ANXA4: variants seen among roughly 807,000 people sequenced by gnomAD.
ANXA4 encodes the protein 35-beta calcimedin.
In ANXA4, 39 loss-of-function variants were observed where a neutral mutation model predicts 49.8. The observed-to-expected ratio is 0.78, with a 90% confidence interval of 0.61 to 1.02. ANXA4 has a LOEUF of 1.02. ANXA4 is among the 50% of genes least tolerant of loss of function. The pLI is 0.00. For missense variants in ANXA4, 360 were observed against 410.1 expected (o/e 0.88, Z 1.05); for synonymous variants, 134 against 152.5 (o/e 0.88, Z 0.89).
Position 69,679,072 on chromosome 2 carries a change from T to C in ANXA4, n.766+25790T>C, listed in dbSNP as rs1004568718. Among the ~76,000 whole-genome samples, 5 of 152,290 alleles carry C rather than the reference T, an allele frequency of 3.3e-5. No individual in the cohort carries two copies. The South Asian group carries it at 1.0e-3, about 32-fold the overall frequency. On this transcript the variant is annotated intron_variant and non_coding_transcript_variant, in intron 2 of 3. Coordinates refer to the ANXA4 transcript ENST00000418066. ...TTGTTTTTATTGTTTTGGTTTTTTA[T>C]TGATACACATTACATATTTATTAAG...
At chr2:69,741,519 C>T (rs1670395786), upstream of ANXA4, among the ~76,000 whole-genome samples, 1 of 152,174 alleles carries the variant, frequency 6.6e-6, no homozygotes, top group South Asian at 2.1e-4. Flanking sequence ...CTGCTGGGCG[C>T]ACAGGGAAGA....
chr2:69,668,573 T>G (rs1677030961), intron 2 of ANXA4, among the ~76,000 whole-genome samples: 1 of 152,204 alleles, frequency 6.6e-6, no homozygotes, highest in Non-Finnish European at 1.5e-5. Flanking sequence ...TATATCTTTC[T>G]CATTATATAT....
At chr2:69,744,641 A>G (rs1248262430) in intron 1 of ANXA4, among the ~76,000 whole-genome samples, 1 of 152,180 alleles carries the variant, frequency 6.6e-6, no homozygotes, top group Non-Finnish European at 1.5e-5. Flanking sequence ...TGTCTTATCT[A>G]ATCTTCACTT....
chr2:69,757,256 ATATATATATATTTTTTT>A lies in ANXA4; in HGVS notation c.-47+15083_-47+15099del, dbSNP rs1437357400. 8.6e-4 allele frequency among the ~76,000 whole-genome samples: 43 copies of A among 50,034 alleles called. 1 individual carries two copies. Among genetic ancestry groups the A allele is most frequent in the African/African-American group, 6.0e-3 (41 of 6,850 alleles). The allele number at this position is 50,034 out of a possible 152,430, so 32.8% of individuals were successfully genotyped here. A position where few individuals can be genotyped will look rare whatever the true frequency, so the allele number is the denominator to read the frequency against. On this transcript the variant is annotated intron_variant, in intron 1 of 12. Transcript: ENST00000394295. ...TTTTGTTTTATATATATATATATAT[ATATATATATATTTTTTT>A]TTTTTTTTTTTTTTTTAGGTGGAGT...
At chr2:69,776,816 C>T (rs1671977895) in intron 1 of ANXA4, among the ~76,000 whole-genome samples, 1 of 152,196 alleles carries the variant, frequency 6.6e-6, no homozygotes, top group South Asian at 2.1e-4. Flanking sequence ...AGATTCAAAG[C>T]TGTCCTGGGC....
intron 2 of ANXA4, among the ~76,000 whole-genome samples, chr2:69,717,562 A>G (rs1362793487): frequency 6.6e-6 from 1 of 152,206 alleles, no homozygotes; most frequent in East Asian, 1.9e-4. Context: ...GAAAGGCCTG[A>G]TGTCCCATCC....
At chr2:69,700,001 G>C (rs1487915665) in intron 2 of ANXA4, among the ~76,000 whole-genome samples, 1 of 152,194 alleles carries the variant, frequency 6.6e-6, no homozygotes, top group African/African-American at 2.4e-5. Flanking sequence ...AGTCAGGAAA[G>C]TGAGCACCCA....
chr2:69,749,022 C>T (rs1034538803), intron 1 of ANXA4, among the ~76,000 whole-genome samples: 2 of 152,054 alleles, frequency 1.3e-5, no homozygotes, highest in Non-Finnish European at 2.9e-5. Context: ...CTACACCCTA[C>T]TTTTTAGAGG....
At chr2:69,812,566 A>T (rs1186900563) in intron 7 of ANXA4, 87 bp from the exon 8 acceptor site, 8 of 1,157,038 alleles carry the variant, frequency 6.9e-6, no homozygotes, top group African/African-American at 3.1e-5. Flanking sequence ...ATTTTGTCTC[A>T]TTACTCTAGA....
At chr2:69,808,948 C>CACT (rs1158784282) in intron 6 of ANXA4, 1 of 151,968 alleles carries the variant, frequency 6.6e-6, no homozygotes, top group African/African-American at 2.4e-5. Context: ...AGATGTGAGC[C>CACT]ACTACACCTG....
At chr2:69,766,817 G>T (rs1250134555) in intron 1 of ANXA4, among the ~76,000 whole-genome samples, 1 of 152,120 alleles carries the variant, frequency 6.6e-6, no homozygotes, top group Non-Finnish European at 1.5e-5. Context: ...CCCATCACTC[G>T]CCTGTAGATA....
upstream of ANXA4, among the ~76,000 whole-genome samples, chr2:69,740,773 C>T (rs1670370098): frequency 6.7e-6 from 1 of 148,996 alleles, no homozygotes; most frequent in African/African-American, 2.5e-5. Flanking sequence ...CCTCTGCCTC[C>T]CGGGCTTGGG....
chr2:69,731,483 G>A (rs777111831), intron 3 of ANXA4, among the ~76,000 whole-genome samples: 3 of 152,146 alleles, frequency 2.0e-5, no homozygotes, highest in Non-Finnish European at 4.4e-5. Context: ...CTTAACTGCA[G>A]TCACTTCAGC....
At chr2:69,722,464 G>A (rs11679984) in intron 3 of ANXA4, among the ~76,000 whole-genome samples, 4 of 152,108 alleles carry the variant, frequency 2.6e-5, no homozygotes, top group Non-Finnish European at 4.4e-5. Context: ...TGACACATGC[G>A]GCAACATGGA....
intron 1 of ANXA4, among the ~76,000 whole-genome samples, chr2:69,779,757 A>G (rs1242622040): frequency 6.6e-6 from 1 of 152,184 alleles, no homozygotes; most frequent in African/African-American, 2.4e-5. Context: ...GGCCCATACC[A>G]TTCAGTTCAC....
intron 3 of ANXA4, among the ~76,000 whole-genome samples, chr2:69,729,747 G>A (rs536305643): frequency 1.4e-4 from 21 of 151,042 alleles, no homozygotes; most frequent in Admixed American, 5.2e-4. Flanking sequence ...GTGATTTACA[G>A]TGACATTTTC....
chr2:69,667,277 CA>C (rs1676972853), intron 2 of ANXA4, among the ~76,000 whole-genome samples: 1 of 151,680 alleles, frequency 6.6e-6, no homozygotes, highest in South Asian at 2.1e-4. Context: ...TGTGAATATA[CA>C]AAAAACTATT....
At chr2:69,661,459 G>T (rs892537764) in intron 2 of ANXA4, among the ~76,000 whole-genome samples, 1 of 151,466 alleles carries the variant, frequency 6.6e-6, no homozygotes, top group South Asian at 2.1e-4. Flanking sequence ...CCCTGTGCAA[G>T]ATGATGAGAC....
rs1383872392 is a variant in ANXA4, at chr2:69,810,615, A to T, written c.419A>T (p.Asp140Val). 1 of 1,614,112 alleles carries T rather than the reference A, an allele frequency of 6.2e-7. No individual in the cohort carries two copies. The highest frequency in any genetic ancestry group is 2.2e-5 in the East Asian group (1 of 44,876). Residue 140 changes from aspartate (D) to valine (V), a missense_variant, in exon 7 of 13, where the codon GAT becomes GTT. Coordinates refer to ENST00000394295, the MANE Select transcript of ANXA4 (RefSeq NM_001153.5). ...CTAGAATATGGACGGAGCCTTGAAG[A>T]TGACATTCGCTCTGACACATCGTTC... ...YQQQYGRSLE[D>V]DIRSDTSFMF...
Sources: allele counts gnomAD v4.1 joint callset (sites outside exome capture counted in the v4.1 genomes callset), GRCh38; gene constraint gnomAD v4.1.1; transcripts MANE v1.5; gene names NCBI Gene and HGNC (gene_info 2026-07-23, HGNC 2026-07-21).